Variants in TNK2 observed in about 807,000 individuals in gnomAD.
TNK2 encodes the protein activated CDC42 kinase 1.
In TNK2, 83 loss-of-function variants were observed where a neutral mutation model predicts 101.8. The ratio of observed to expected loss-of-function variants is 0.82; its 90% CI spans 0.68 to 0.98. The LOEUF (loss-of-function observed/expected upper bound fraction) is 0.98, where lower values mean the gene tolerates loss of function less well. TNK2 is among the 50% of genes least tolerant of loss of function. The pLI is 0.00. For missense variants in TNK2, 1,665 were observed against 1,483.2 expected, an observed-to-expected ratio of 1.12 and a Z score of -2.01; for synonymous variants, 804 against 633.0, an observed-to-expected ratio of 1.27 and a Z score of -4.06.
chr3:195,884,645 A>AAAAT (rs759327725), intron 4 of TNK2, 167 bp downstream of exon 4: 17 of 639,570 alleles, frequency 2.7e-5, no homozygotes, highest in Middle Eastern at 4.4e-4. Flanking sequence ...CTCCATCTCA[A>AAAAT]AAATAAATAA....
Position 195,867,965 on chromosome 3 carries a change from T to G in TNK2, c.2333A>C (p.Glu778Ala), listed in dbSNP as rs754266209. ...HVQLSPAPPG[E>A]EETSQWPGPA... ...TCCAGGCCACTGGCTGGTCTCCTCC[T>G]CGCCCGGGGGGGCTGGAGACAGCTG... The change falls in exon 13 of 16, where the codon GAG (glutamate) becomes GCG (alanine). Residue 778 changes from glutamate to alanine, a missense_variant. Around this residue, in one of 3 missense-constraint regions of TNK2, gnomAD observed 1,136 missense variants for 894.9 expected, o/e 1.27. Transcript: ENST00000672887. The G allele has an allele frequency of 1.3e-6, 2 of 1,544,498 alleles. No individual in the cohort carries two copies. Among genetic ancestry groups the G allele is most frequent in the Non-Finnish European group, 1.7e-6 (2 of 1,157,526 alleles).
chr3:195,870,356 G>T (rs750834535), intron 10 of TNK2, 151 bp from the exon 11 acceptor site: 3 of 1,499,180 alleles, frequency 2.0e-6, no homozygotes, highest in Middle Eastern at 3.6e-4. Flanking sequence ...GAACCTGACC[G>T]CACGTCTCAG....
chr3:195,864,635 T>C (rs1053247679), intron 15 of TNK2, among the ~76,000 whole-genome samples: 1 of 134,686 alleles, frequency 7.4e-6, no homozygotes, highest in African/African-American at 2.8e-5. Context: ...GCATCCCAGA[T>C]GCAAATCAGT....
At chr3:195,868,781 T>TG (rs1742713719) in intron 12 of TNK2, 72 bp from the exon 13 acceptor site, 1 of 1,458,608 alleles carries the variant, frequency 6.9e-7, no homozygotes, top group African/African-American at 1.5e-5. Flanking sequence ...AGGTGGCACG[T>TG]GGGAGAGAAA....
chr3:195,876,015 G>A (rs1277809845), intron 9 of TNK2, among the ~76,000 whole-genome samples: 2 of 152,138 alleles, frequency 1.3e-5, no homozygotes, highest in East Asian at 1.9e-4. Context: ...GGTCCCAGGC[G>A]CCCAGGCCTG....
In TNK2 at chr3:195,864,305, G is replaced by A. The variant is rs1237038936; in HGVS notation, c.3162-118C>T. 9 of 1,150,586 alleles carry A rather than the reference G, an allele frequency of 7.8e-6. No homozygotes were observed. In the East Asian group the frequency reaches 1.6e-4, roughly 21 times the overall value. 71.3% of individuals were successfully genotyped at this position (1,150,586 alleles called of 1,614,324 possible). A position where few individuals can be genotyped will look rare whatever the true frequency, so the allele number is the denominator to read the frequency against. On this transcript the variant is annotated intron_variant, in intron 15 of 15. Coordinates refer to ENST00000672887, the MANE Select transcript of TNK2 (RefSeq NM_001382273.1). ...ACTGGAAGCTGGCAGTCCCCGGCAA[G>A]GACTGTAAAATTTATCATCCTGGAT...
chr3:195,878,534 TG>T lies in TNK2; in HGVS notation c.1072del (p.Gln358ArgfsTer52). The stretch of plus-strand genomic sequence containing the variant: ...CTGGACCATGACGTTGTAGATGTCC[TG>T]GGGACAGTCCTCGGGCCGGGGCAGC... ...ERLPRPEDCP[Q>X]DIYNVMVQCW... On this transcript the variant is annotated frameshift_variant, in exon 8 of 16. Coordinates refer to ENST00000672887, the MANE Select transcript of TNK2 (RefSeq NM_001382273.1). LOFTEE classifies it high-confidence loss of function. The surrounding 1 kb of genome is among the most constrained non-coding windows in gnomAD (Gnocchi z 4.7). 1 of 1,613,792 alleles carries T rather than the reference TG, an allele frequency of 6.2e-7. No individual in the cohort carries two copies. The highest frequency in any genetic ancestry group is 8.5e-7 in the Non-Finnish European group (1 of 1,180,018).
At chr3:195,864,306 G>T in intron 15 of TNK2, 119 bp from the exon 16 acceptor site, 4 of 1,142,508 alleles carry the variant, frequency 3.5e-6, no homozygotes, top group South Asian at 1.3e-5. Flanking sequence ...CCCCGGCAAG[G>T]ACTGTAAAAT....
At chr3:195,904,166 G>A (rs1696676946) in intron 1 of TNK2, among the ~76,000 whole-genome samples, 1 of 151,710 alleles carries the variant, frequency 6.6e-6, no homozygotes, top group African/African-American at 2.4e-5. Flanking sequence ...GCTGAGGTGG[G>A]ACGATCACCT....
chr3:195,867,742 G>A lies in TNK2; in HGVS notation c.2556C>T (p.Gly852=), dbSNP rs1228783570. ...YATPQVIQAP[G]PRAGPCILPI... The stretch of plus-strand genomic sequence containing the variant: ...GCAGGATGCAGGGACCAGCCCGCGG[G>A]CCAGGGGCCTGGATCACCTGGGGGG... The change falls in exon 13 of 16, where the codon GGC becomes GGT. Residue 852 remains glycine (G), a synonymous_variant. Coordinates refer to ENST00000672887, the MANE Select transcript of TNK2 (RefSeq NM_001382273.1). The A allele has an allele frequency of 1.3e-5, 21 of 1,599,598 alleles. 1 individual carries two copies. The highest frequency in any genetic ancestry group is 1.5e-5 in the Non-Finnish European group (18 of 1,174,226).
At chr3:195,881,696 G>A (rs1362219362) in intron 6 of TNK2, among the ~76,000 whole-genome samples, 4 of 32,468 alleles carry the variant, frequency 1.2e-4, no homozygotes, top group Non-Finnish European at 1.6e-4. Flanking sequence ...ACACCCCCCC[G>A]CCAGCAATGC....
At chr3:195,865,906 C>T (rs774065729) in intron 15 of TNK2, among the ~76,000 whole-genome samples, 1 of 152,228 alleles carries the variant, frequency 6.6e-6, no homozygotes, top group Non-Finnish European at 1.5e-5. Context: ...TATCTACACG[C>T]TTTATATGTG....
At position 195,878,419 on chromosome 3, in the gene TNK2, GC is replaced by G. The variant is rs367953567; in HGVS notation, c.1161+26del. ...GTAGCCCCTCAGCTTGAACACCCCA[GC>G]TCTCCTGGGCTGACCTGTCCCTCAC... On this transcript the variant is annotated intron_variant, in intron 8 of 15. Transcript: ENST00000672887. This position sits in a 1 kb window ranked among gnomAD's most constrained non-coding sequence, Gnocchi z 4.7. 1,957 of 1,613,840 alleles carry G rather than the reference GC, an allele frequency of 1.2e-3. 11 individuals carry two copies. The African/African-American group carries it at 0.016, about 14-fold the overall frequency.
Position 195,867,995 on chromosome 3 carries a change from T to TGTGGGCGC in TNK2, c.2295_2302dup (p.His768ArgfsTer83). 6.4e-7 allele frequency: 1 copy of TGTGGGCGC among 1,561,430 alleles called. No homozygotes were observed. Among genetic ancestry groups the TGTGGGCGC allele is most frequent in the Non-Finnish European group, 8.6e-7 (1 of 1,163,210 alleles). On this transcript the variant is annotated frameshift_variant, in exon 13 of 16. Transcript: ENST00000672887. LOFTEE classifies it high-confidence loss of function. ...CGGGGGGGCTGGAGACAGCTGGACG[T>TGTGGGCGC]GTGGGCGCGTGGGCCGAGGGGGGAT...
At position 195,885,324 on chromosome 3, in the gene TNK2, G is replaced by A. The variant is rs1367373884; in HGVS notation, c.235-291C>T. Reference sequence around the variant, plus strand: ...CACACCCAGCTGTGTGGAGAGGGAGGGCACCGCCCAGCCAAGGTCGGAGTC... The same window carrying A: ...CACACCCAGCTGTGTGGAGAGGGAGAGCACCGCCCAGCCAAGGTCGGAGTC... On this transcript the variant is annotated intron_variant, in intron 3 of 15. Coordinates refer to ENST00000672887, the MANE Select transcript of TNK2 (RefSeq NM_001382273.1). The surrounding 1 kb of genome is among the most constrained non-coding windows in gnomAD (Gnocchi z 4.7). 7.2e-6 allele frequency: 10 copies of A among 1,381,716 alleles called. No homozygotes were observed. The highest frequency in any genetic ancestry group is 9.5e-6 in the Non-Finnish European group (10 of 1,056,104). The allele number at this position is 1,381,716 out of a possible 1,614,324, so 85.6% of individuals were successfully genotyped here. A position where few individuals can be genotyped will look rare whatever the true frequency, so the allele number is the denominator to read the frequency against.
intron 1 of TNK2, among the ~76,000 whole-genome samples, chr3:195,902,065 T>C (rs1015832974): frequency 2.6e-5 from 4 of 152,170 alleles, no homozygotes; most frequent in Non-Finnish European, 5.9e-5. Context: ...AAGGATGTTC[T>C]GAATGCCATA....
chr3:195,885,150 T>G lies in TNK2; in HGVS notation c.235-117A>C. 1 of 1,215,752 alleles carries G rather than the reference T, an allele frequency of 8.2e-7. No individual in the cohort carries two copies. The allele number at this position is 1,215,752 out of a possible 1,614,324, so 75.3% of individuals were successfully genotyped here. On this transcript the variant is annotated intron_variant, in intron 3 of 15. Coordinates refer to ENST00000672887, the MANE Select transcript of TNK2 (RefSeq NM_001382273.1). The surrounding 1 kb of genome is among the most constrained non-coding windows in gnomAD (Gnocchi z 4.7). ...GCTTCGGCTTCCAGATAGGTCCTGG[T>G]TTTGCCAAACTGTCAGTGGGGCAGC... is the stretch of plus-strand genomic sequence containing the variant.
Position 195,863,709 on chromosome 3 carries a change from G to T in TNK2, c.*472C>A, listed in dbSNP as rs1738794536. 6.2e-6 allele frequency: 1 copy of T among 161,944 alleles called. No homozygotes were observed. 10.0% of individuals were successfully genotyped at this position (161,944 alleles called of 1,614,324 possible). A position where few individuals can be genotyped will look rare whatever the true frequency, so the allele number is the denominator to read the frequency against. On this transcript the variant is annotated 3_prime_UTR_variant, in exon 16 of 16. Coordinates refer to ENST00000672887, the MANE Select transcript of TNK2 (RefSeq NM_001382273.1). ...GCCCGACACCCCAGCTGCTGCCAGG[G>T]GCCCCCTGGAAGAAGGCCCAGTCCT...
chr3:195,901,738 T>A (rs1209985038), intron 1 of TNK2, among the ~76,000 whole-genome samples: 2 of 152,310 alleles, frequency 1.3e-5, no homozygotes, highest in Non-Finnish European at 2.9e-5. Flanking sequence ...CTACCCCAGA[T>A]TATCCCCACT....
Sources: allele counts gnomAD v4.1 joint callset (sites outside exome capture counted in the v4.1 genomes callset), GRCh38; gene constraint gnomAD v4.1.1; regional missense constraint gnomAD v4.1.1; non-coding constraint Gnocchi (gnomAD v3.1); transcripts MANE v1.5; gene names NCBI Gene and HGNC (gene_info 2026-07-23, HGNC 2026-07-21).